Variants in SYNE2 observed in about 807,000 individuals in gnomAD.
SYNE2 encodes the protein spectrin repeat containing nuclear envelope protein 2.
Under a neutral mutation model 856.3 loss-of-function variants are expected in SYNE2, and 431 were observed. The ratio of observed to expected loss-of-function variants is 0.50; its 90% confidence interval spans 0.47 to 0.55. SYNE2 has a LOEUF of 0.55. Ranked by LOEUF, SYNE2 falls within the 20% of genes least tolerant of loss-of-function variation. The pLI, the probability that SYNE2 is intolerant of heterozygous loss-of-function variation, is 0.00. For missense variants in SYNE2, 8,129 were observed against 8,023.2 expected, an observed-to-expected ratio of 1.01 and a Z score of -0.50; for synonymous variants, 2,923 against 2,872.3, an observed-to-expected ratio of 1.02 and a Z score of -0.56.
At chr14:64,010,169 T>C in intron 32 of SYNE2, 53 bp downstream of exon 32, 1 of 1,548,704 alleles carries the variant, frequency 6.5e-7, no homozygotes, top group Admixed American at 1.9e-5. Flanking sequence ...CTGACAGGCC[T>C]GGTAGTAAAG....
chr14:63,933,151 C>T (rs935113506), intron 2 of SYNE2, among the ~76,000 whole-genome samples: 1 of 152,130 alleles, frequency 6.6e-6, no homozygotes, highest in African/African-American at 2.4e-5. Flanking sequence ...GCAAGGCTTC[C>T]TCATAGAGTA....
intron 7 of SYNE2, among the ~76,000 whole-genome samples, chr14:63,953,944 C>T (rs911620215): frequency 2.0e-5 from 3 of 152,054 alleles, no homozygotes; most frequent in African/African-American, 4.8e-5. Flanking sequence ...GAGGCAGTCT[C>T]ATTCTGTCAC....
chr14:63,990,227 T>A (rs1010455463), intron 19 of SYNE2, among the ~76,000 whole-genome samples, 184 bp from the exon 20 acceptor site: 1 of 152,220 alleles, frequency 6.6e-6, no homozygotes, highest in Non-Finnish European at 1.5e-5. Flanking sequence ...TAAAACATGT[T>A]CAGAATCTGA....
rs758104840 is a variant in SYNE2, at chr14:64,101,947, G to C, written c.12397G>C (p.Ala4133Pro). ...SVKSDNGDEK[A>P]EPSPQSWSSL... ...ACTGTGATAGAATGGAGATGAGAAG[G>C]CAGAGCCATCGCCTCAGTCTTGGTC... The change falls in exon 64 of 116, where the codon GCA becomes CCA. Residue 4133 changes from alanine (A) to proline (P), a missense_variant. By Grantham distance (27) the Ala-to-Pro change is conservative. This residue lies in a region of SYNE2 where 5,410 missense variants were observed against 5,284.8 expected (regional missense o/e 1.02). Coordinates refer to ENST00000555002, the MANE Select transcript of SYNE2 (RefSeq NM_182914.3). The C allele has an allele frequency of 3.1e-5, 50 of 1,613,544 alleles. No homozygotes were observed. Among genetic ancestry groups the C allele is most frequent in the Non-Finnish European group, 4.2e-5 (49 of 1,179,514 alleles).
At chr14:64,095,988 G>A (rs898388028) in intron 61 of SYNE2, among the ~76,000 whole-genome samples, 3 of 152,088 alleles carry the variant, frequency 2.0e-5, no homozygotes, top group East Asian at 1.9e-4. Flanking sequence ...GCTTTGTGCC[G>A]TGTGAGAACA....
chr14:64,098,272 GAA>G, intron 62 of SYNE2, 126 bp downstream of exon 62: 1 of 1,029,484 alleles, frequency 9.7e-7, no homozygotes. Context: ...TTTTAAAGTG[GAA>G]ATACTCAACC....
At chr14:63,982,166 G>C (rs953250454) in intron 16 of SYNE2, among the ~76,000 whole-genome samples, 3 of 152,150 alleles carry the variant, frequency 2.0e-5, no homozygotes, top group Non-Finnish European at 2.9e-5. Context: ...TACTAAAAAT[G>C]GGAACTGTTA....
At chr14:64,176,930 T>TG (rs534552010) in intron 95 of SYNE2, among the ~76,000 whole-genome samples, 166 of 152,206 alleles carry the variant, frequency 1.1e-3, no homozygotes, top group South Asian at 1.7e-3. Flanking sequence ...CCCAAGTAGC[T>TG]GGGATTACAG....
intron 53 of SYNE2, 137 bp downstream of exon 53, chr14:64,074,273 C>T: frequency 1.2e-6 from 1 of 859,562 alleles, no homozygotes; most frequent in African/African-American, 1.7e-5. Context: ...TAGGCAAAGG[C>T]CCTGTGGCAT....
chr14:63,809,869 C>T (rs1368622581), intron 1 of SYNE2, among the ~76,000 whole-genome samples: 2 of 152,094 alleles, frequency 1.3e-5, no homozygotes, highest in Non-Finnish European at 2.9e-5. Flanking sequence ...CTCAAACTAA[C>T]TTTGAGGATT....
chr14:64,010,294 A>C (rs1408462788), intron 32 of SYNE2, among the ~76,000 whole-genome samples, 178 bp downstream of exon 32: 1 of 152,202 alleles, frequency 6.6e-6, no homozygotes, highest in Non-Finnish European at 1.5e-5. Context: ...GGAAAAAAGA[A>C]ACAGTCACCA....
chr14:63,931,626 C>A (rs144618910), intron 2 of SYNE2, among the ~76,000 whole-genome samples: 1 of 151,722 alleles, frequency 6.6e-6, no homozygotes, highest in African/African-American at 2.4e-5. Context: ...CCAATAAATT[C>A]TTTTCCTCCA....
chr14:63,879,217 C>G (rs183388366), intron 1 of SYNE2, among the ~76,000 whole-genome samples: 1 of 152,172 alleles, frequency 6.6e-6, no homozygotes, highest in South Asian at 2.1e-4. Flanking sequence ...TGAAAAGTCT[C>G]CTTTTGTGCA....
In SYNE2 at chr14:64,026,750, C is replaced by T. The variant is rs2096982501; in HGVS notation, c.6404+20C>T. On this transcript the variant is annotated intron_variant, in intron 42 of 115. Transcript: ENST00000555002. ...CCTAAGGTAAAGGGCATGCCTGCACCACTTGCATCATATCCCATTGCCCAG... is the reference window on the plus strand; with the variant it reads ...CCTAAGGTAAAGGGCATGCCTGCACTACTTGCATCATATCCCATTGCCCAG... 6.3e-7 allele frequency: 1 copy of T among 1,594,240 alleles called. No homozygotes were observed. Among genetic ancestry groups the T allele is most frequent in the Admixed American group, 1.8e-5 (1 of 56,750 alleles).
At chr14:64,086,630 A>T (rs920603994) in intron 57 of SYNE2, among the ~76,000 whole-genome samples, 1 of 151,750 alleles carries the variant, frequency 6.6e-6, no homozygotes, top group Non-Finnish European at 1.5e-5. Flanking sequence ...ATCCAGGAAC[A>T]TGGTATATCT....
intron 1 of SYNE2, among the ~76,000 whole-genome samples, chr14:63,866,367 A>G (rs1045065873): frequency 6.6e-6 from 1 of 152,198 alleles, no homozygotes; most frequent in African/African-American, 2.4e-5. Context: ...CATCTGTTTT[A>G]AAACACTTAT....
rs151081811 is a variant in SYNE2, at chr14:64,210,002, C to T, written c.18601C>T (p.Arg6201Trp). Residue 6201 changes from arginine to tryptophan, a missense_variant, in exon 103 of 116, where the codon CGG becomes TGG. Arg to Trp is a moderately radical substitution (Grantham distance 101). Around this residue, in one of 3 missense-constraint regions of SYNE2, gnomAD observed 5,410 missense variants for 5,284.8 expected, o/e 1.02. Transcript: ENST00000555002. ...GCTGGAGCTCATCAACAAGCAGTAC[C>T]GGCGGCTGGCCCGGGAGAACCGCAC... ...TQLELINKQY[R>W]RLARENRTDT... 11 of 1,613,982 alleles carry T rather than the reference C, an allele frequency of 6.8e-6. No individual in the cohort carries two copies. Among genetic ancestry groups the T allele is most frequent in the African/African-American group, 6.7e-5 (5 of 74,908 alleles).
intron 2 of SYNE2, among the ~76,000 whole-genome samples, chr14:63,912,122 C>G (rs1431710155): frequency 6.6e-6 from 1 of 152,130 alleles, no homozygotes; most frequent in Admixed American, 6.5e-5. Flanking sequence ...CAAGAGATAC[C>G]AACCAAGAAG....
In SYNE2 at chr14:64,165,288, G is replaced by T; in HGVS notation, c.16483G>T (p.Val5495Phe). Residue 5495 changes from valine (V) to phenylalanine (F), a missense_variant, in exon 90 of 116, where the codon GTT (valine) becomes TTT (phenylalanine). Val to Phe is a conservative substitution (Grantham distance 50). Around this residue, in one of 3 missense-constraint regions of SYNE2, gnomAD observed 5,410 missense variants for 5,284.8 expected, o/e 1.02. Coordinates refer to ENST00000555002, the MANE Select transcript of SYNE2 (RefSeq NM_182914.3). ...ATGAAAATTTCTCTTGTTCTAGTTT[G>T]TTCTCTCACAGTTTAAGGATTTTGG... ...LLVKANEFEF[V>F]LSQFKDFGVR... The T allele has an allele frequency of 2.5e-6, 4 of 1,613,528 alleles. No homozygotes were observed. Among genetic ancestry groups the T allele is most frequent in the Non-Finnish European group, 3.4e-6 (4 of 1,179,584 alleles).
Sources: allele counts gnomAD v4.1 joint callset (sites outside exome capture counted in the v4.1 genomes callset), GRCh38; gene constraint gnomAD v4.1.1; regional missense constraint gnomAD v4.1.1; transcripts MANE v1.5; gene names NCBI Gene and HGNC (gene_info 2026-07-23, HGNC 2026-07-21).